The following SIRT4 variants were observed in gnomAD, a reference collection of about 807,000 sequenced individuals.
The protein encoded by SIRT4 is NAD-dependent protein lipoamidase sirtuin-4, mitochondrial.
SIRT4 carries 23 observed loss-of-function variants against 26.1 expected under a neutral mutation model. The observed-to-expected ratio is 0.88, with a 90% CI of 0.63 to 1.25. The LOEUF (loss-of-function observed/expected upper bound fraction) is 1.25. SIRT4 is among the 50% of genes most tolerant of loss of function. The pLI is 0.00. For synonymous variants in SIRT4, 155 were observed against 158.4 expected (o/e 0.98, Z 0.16); for missense variants, 361 against 405.4 (o/e 0.89, Z 0.94).
At chr12:120,298,901 G>A (rs186114774), upstream of SIRT4, among the ~76,000 whole-genome samples, 574 of 69,462 alleles carry the variant, frequency 8.3e-3, 6 homozygotes, top group African/African-American at 0.025. Context: ...GCAATATTCC[G>A]TCTCAAAAAA....
At chr12:120,304,819 ATATATATATATATATATTTTTTTTT>A (rs1566463381) in intron 2 of SIRT4, among the ~76,000 whole-genome samples, 5 of 11,482 alleles carry the variant, frequency 4.4e-4, no homozygotes, top group South Asian at 0.011. Context: ...ATATATATAT[ATATATATATATATATATTTTTTTTT>A]TTTTTTTTTT....
At chr12:120,293,178 T>G in the SIRT4 span, 1 of 152,140 alleles carries the variant, frequency 6.6e-6, no homozygotes, top group African/African-American at 2.4e-5. Flanking sequence ...AGTTTTCAAT[T>G]AGCAATAATC....
upstream of SIRT4, among the ~76,000 whole-genome samples, chr12:120,300,007 C>T (rs542057641): frequency 1.3e-5 from 2 of 152,080 alleles, no homozygotes; most frequent in South Asian, 2.1e-4. Flanking sequence ...TAAGCAGGCC[C>T]GGCATGGTGG....
At position 120,303,894 on chromosome 12, in the gene SIRT4, A is replaced by C; in HGVS notation, c.333A>C (p.Val111=). Residue 111 remains valine, a synonymous_variant, in exon 2 of 4, where the codon GTA becomes GTC. Coordinates refer to ENST00000202967, the MANE Select transcript of SIRT4 (RefSeq NM_012240.3). The part of the protein sequence containing the change: ...IRQRYWARNF[V]GWPQFSSHQP... ...AGCGGTACTGGGCGAGAAACTTCGT[A>C]GGCTGGCCTCAATTCTCCTCCCACC... 1 of 1,614,170 alleles carries C rather than the reference A, an allele frequency of 6.2e-7. No individual in the cohort carries two copies. Among genetic ancestry groups the C allele is most frequent in the East Asian group, 2.2e-5 (1 of 44,890 alleles).
chr12:120,310,192 G>A (rs541837248), intron 2 of SIRT4, among the ~76,000 whole-genome samples: 8 of 151,898 alleles, frequency 5.3e-5, no homozygotes, highest in Non-Finnish European at 1.2e-4. Flanking sequence ...CACTTTGGGA[G>A]GCCGAGGTGG....
the SIRT4 span, among the ~76,000 whole-genome samples, chr12:120,295,419 A>AAAT: frequency 3.7e-5 from 3 of 81,348 alleles, no homozygotes; most frequent in African/African-American, 1.3e-4. Context: ...TATATAGATA[A>AAAT]TTTTTTTTTT....
At chr12:120,309,714 CTTTTTTT>C (rs564627080) in intron 2 of SIRT4, among the ~76,000 whole-genome samples, 1 of 111,122 alleles carries the variant, frequency 9.0e-6, no homozygotes, top group Non-Finnish European at 1.9e-5. Context: ...TGCCCGCTTT[CTTTTTTT>C]TTTTTTTTTT....
At position 120,304,067 on chromosome 12, in the gene SIRT4, G is replaced by A. The variant is rs1377154344; in HGVS notation, c.497+9G>A. 6.2e-7 allele frequency: 1 copy of A among 1,603,738 alleles called. No homozygotes were observed. The highest frequency in any genetic ancestry group is 1.1e-5 in the South Asian group (1 of 91,022). The stretch of plus-strand genomic sequence containing the variant: ...CACGGATGCATGGACAGGTGCAGGA[G>A]CTGTACACGGTTTGAACGCAAACCC... On this transcript the variant is annotated intron_variant, in intron 2 of 3. Transcript: ENST00000202967.
At chr12:120,307,489 A>T (rs1872785417) in intron 2 of SIRT4, among the ~76,000 whole-genome samples, 1 of 150,678 alleles carries the variant, frequency 6.6e-6, no homozygotes, top group Non-Finnish European at 1.5e-5. Flanking sequence ...ATTGTCTCAA[A>T]CAACAAACAA....
intron 2 of SIRT4, among the ~76,000 whole-genome samples, chr12:120,307,839 C>A (rs1872801057): frequency 6.6e-6 from 1 of 152,154 alleles, no homozygotes; most frequent in Non-Finnish European, 1.5e-5. Flanking sequence ...GCCTGGGCAA[C>A]AAGAACGAAA....
At chr12:120,295,167 G>A in the SIRT4 span, among the ~76,000 whole-genome samples, 27 of 150,588 alleles carry the variant, frequency 1.8e-4, no homozygotes, top group African/African-American at 6.1e-4. Context: ...TTTGTCTATG[G>A]GAATAATGCT....
chr12:120,306,675 C>T (rs546850393), intron 2 of SIRT4, among the ~76,000 whole-genome samples: 127 of 152,012 alleles, frequency 8.4e-4, no homozygotes, highest in African/African-American at 2.9e-3. Context: ...TAGTGGCGCA[C>T]GCCTGTAGTC....
chr12:120,297,336 AAAAAAG>A (rs1394773185), upstream of SIRT4, among the ~76,000 whole-genome samples: 81 of 149,138 alleles, frequency 5.4e-4, no homozygotes, highest in Admixed American at 1.6e-3. Context: ...AAAAAAAAAA[AAAAAAG>A]AGAGAGAGAA....
At chr12:120,310,091 C>T (rs1057024039) in intron 2 of SIRT4, among the ~76,000 whole-genome samples, 2 of 151,894 alleles carry the variant, frequency 1.3e-5, no homozygotes, top group Non-Finnish European at 2.9e-5. Flanking sequence ...ATCATAACTC[C>T]CTGTAACCTA....
At chr12:120,299,670 T>A (rs1872476495), upstream of SIRT4, among the ~76,000 whole-genome samples, 1 of 152,088 alleles carries the variant, frequency 6.6e-6, no homozygotes, top group Non-Finnish European at 1.5e-5. Context: ...TTTCAGCCAC[T>A]CATATACAAG....
chr12:120,299,520 C>T (rs1035293462), upstream of SIRT4, among the ~76,000 whole-genome samples: 12 of 150,046 alleles, frequency 8.0e-5, no homozygotes, highest in Non-Finnish European at 1.6e-4. Context: ...CCACTGCACT[C>T]CAGCCTGGGC....
At chr12:120,300,171 G>A (rs751716339), upstream of SIRT4, among the ~76,000 whole-genome samples, 16 of 151,866 alleles carry the variant, frequency 1.1e-4, no homozygotes, top group Non-Finnish European at 2.2e-4. Flanking sequence ...GGATGCCTGT[G>A]ATCTCAGCTA....
chr12:120,312,574 T>C lies in SIRT4; in HGVS notation c.616T>C (p.Phe206Leu), dbSNP rs1873027825. Residue 206 changes from phenylalanine to leucine, a missense_variant, in exon 3 of 4, where the codon TTT becomes CTT. Transcript: ENST00000202967. ...AHGLAPDGDV[F>L]LSEEQVRSFQ... ...TGGCCTGGCTCCTGATGGTGACGTC[T>C]TTCTCTCAGAGGAGCAAGTCCGGAG... 1 of 1,614,178 alleles carries C rather than the reference T, an allele frequency of 6.2e-7. No individual in the cohort carries two copies.
chr12:120,298,047 G>T (rs1477766151), upstream of SIRT4, among the ~76,000 whole-genome samples: 1 of 151,616 alleles, frequency 6.6e-6, no homozygotes, highest in Admixed American at 6.6e-5. Context: ...AAAAAAGGGG[G>T]TGGCCGGGCG....
Sources: allele counts gnomAD v4.1 joint callset (sites outside exome capture counted in the v4.1 genomes callset), GRCh38; gene constraint gnomAD v4.1.1; transcripts MANE v1.5; gene names NCBI Gene and HGNC (gene_info 2026-07-23, HGNC 2026-07-21).